Variants in DNM3 observed in about 807,000 individuals in gnomAD.
DNM3 encodes the protein dynamin 3, also known as dynamin-3.
DNM3 carries 47 observed loss-of-function variants against 101.6 expected under a neutral mutation model. The ratio of observed to expected loss-of-function variants is 0.46; its 90% CI spans 0.37 to 0.59. The LOEUF is 0.59. Among genes scored for constraint, DNM3 ranks in the 20% least tolerant of loss-of-function variants. The probability of loss-of-function intolerance (pLI) is 0.00; values close to 1 mark genes in which losing one functional copy is unlikely to be tolerated. For missense variants in DNM3, 849 were observed against 1,085.7 expected (o/e 0.78, Z 3.06); for synonymous variants, 385 against 387.9 (o/e 0.99, Z 0.09).
chr1:172,041,379 T>C (rs1168315442), intron 7 of DNM3, among the ~76,000 whole-genome samples: 1 of 152,088 alleles, frequency 6.6e-6, no homozygotes, highest in Non-Finnish European at 1.5e-5. Flanking sequence ...TGCAGGAGGA[T>C]CAGCAGGTTT....
At chr1:171,957,478 G>T (rs578185666) in intron 2 of DNM3, among the ~76,000 whole-genome samples, 1 of 152,150 alleles carries the variant, frequency 6.6e-6, no homozygotes, top group African/African-American at 2.4e-5. Flanking sequence ...GATTACAGGC[G>T]TGAGCCACTA....
intron 7 of DNM3, among the ~76,000 whole-genome samples, chr1:172,040,193 A>G (rs1456232004): frequency 1.3e-5 from 2 of 152,140 alleles, no homozygotes; most frequent in African/African-American, 4.8e-5. Context: ...CACTTTCTGA[A>G]AAATTTTTCA....
Position 172,349,368 on chromosome 1 carries a change from C to T in DNM3, c.1893+26028C>T, listed in dbSNP as rs551583394. Among the ~76,000 whole-genome samples the T allele has an allele frequency of 7.2e-5, 11 of 152,238 alleles. 1 individual carries two copies. The highest frequency in any genetic ancestry group is 6.8e-3 in the Middle Eastern group (2 of 294). ...AAATCCATAAAGCTATTAGTTCAGTCGCTGGCACTTGAAAGTTTTCAGTAA... is the reference window on the plus strand; with the variant it reads ...AAATCCATAAAGCTATTAGTTCAGTTGCTGGCACTTGAAAGTTTTCAGTAA... On this transcript the variant is annotated intron_variant, in intron 17 of 20. Transcript: ENST00000627582.
At chr1:172,025,300 A>G (rs1470330257) in intron 4 of DNM3, among the ~76,000 whole-genome samples, 1 of 152,220 alleles carries the variant, frequency 6.6e-6, no homozygotes, top group African/African-American at 2.4e-5. Context: ...CAGCAGCCCC[A>G]GTCAGGGCCT....
intron 9 of DNM3, among the ~76,000 whole-genome samples, chr1:172,045,643 G>A (rs567679160): frequency 1.3e-5 from 2 of 152,266 alleles, no homozygotes; most frequent in African/African-American, 4.8e-5. Context: ...TGATTTTAAA[G>A]CACATATTTA....
chr1:171,963,157 T>C (rs79037183), intron 2 of DNM3, among the ~76,000 whole-genome samples: 1 of 152,196 alleles, frequency 6.6e-6, no homozygotes, highest in Non-Finnish European at 1.5e-5. Flanking sequence ...GTATTTACTT[T>C]ATAGTAAATA....
intron 1 of DNM3, among the ~76,000 whole-genome samples, chr1:171,878,652 C>A (rs1333418060): frequency 6.6e-6 from 1 of 151,984 alleles, no homozygotes; most frequent in Admixed American, 6.6e-5. Flanking sequence ...AGTGGAGAGC[C>A]AGGTGGCCAT....
At chr1:171,956,919 C>G (rs1185098608) in intron 2 of DNM3, among the ~76,000 whole-genome samples, 1 of 152,148 alleles carries the variant, frequency 6.6e-6, no homozygotes, top group African/African-American at 2.4e-5. Flanking sequence ...CATACCTTGC[C>G]CCCTTTTAAC....
Position 172,071,538 on chromosome 1 carries a change from C to T in DNM3, c.1422+2633C>T, listed in dbSNP as rs78491811. Among the ~76,000 whole-genome samples, 1,516 of 152,172 alleles carry T rather than the reference C, an allele frequency of 1.0e-2. 23 individuals are homozygous for T. The highest frequency in any genetic ancestry group is 0.033 in the African/African-American group (1,364 of 41,526). On this transcript the variant is annotated intron_variant, in intron 11 of 20. Coordinates refer to ENST00000627582, the MANE Select transcript of DNM3 (RefSeq NM_015569.5). Reference sequence around the variant, plus strand: ...AGAGTGACCCATATCCTCAGGCCTCCGCGCCTGAACAGCTCTGGGACATTC... The same window carrying T: ...AGAGTGACCCATATCCTCAGGCCTCTGCGCCTGAACAGCTCTGGGACATTC...
In DNM3 at chr1:172,408,216, A is replaced by G; in HGVS notation, c.*375A>G. On this transcript the variant is annotated 3_prime_UTR_variant, in exon 21 of 21. Transcript: ENST00000627582. ...TTCAGATATGAGATAGTGGGCTTAG[A>G]CCTAAGCCATACATATTTCTTTTCC... The G allele has an allele frequency of 9.7e-7, 1 of 1,026,674 alleles. No homozygotes were observed. The highest frequency in any genetic ancestry group is 1.2e-6 in the Non-Finnish European group (1 of 854,826). The allele number at this position is 1,026,674 out of a possible 1,614,324, so 63.6% of individuals were successfully genotyped here.
intron 4 of DNM3, among the ~76,000 whole-genome samples, chr1:172,008,575 G>A (rs2046854195): frequency 7.6e-6 from 1 of 130,894 alleles, no homozygotes; most frequent in Non-Finnish European, 1.6e-5. Flanking sequence ...CTTAAATTTA[G>A]GTCTGCAATT....
intron 1 of DNM3, among the ~76,000 whole-genome samples, chr1:171,850,461 A>G (rs1452829008): frequency 6.6e-6 from 1 of 152,156 alleles, no homozygotes; most frequent in Non-Finnish European, 1.5e-5. Flanking sequence ...TTTTCTGGTT[A>G]ATAAAACTAA....
chr1:171,965,816 G>C (rs1442556126), intron 2 of DNM3, among the ~76,000 whole-genome samples: 1 of 152,082 alleles, frequency 6.6e-6, no homozygotes, highest in Non-Finnish European at 1.5e-5. Context: ...TCTATATTCA[G>C]CTCCTCTCCC....
chr1:172,376,547 TACTC>T (rs1159904586), intron 17 of DNM3: 3 of 152,082 alleles, frequency 2.0e-5, no homozygotes, highest in Non-Finnish European at 2.9e-5. Context: ...TCTCTGCAAT[TACTC>T]ACGTAAAAGA....
chr1:172,021,312 T>C (rs146880850), intron 4 of DNM3, among the ~76,000 whole-genome samples: 15 of 151,998 alleles, frequency 9.9e-5, no homozygotes, highest in African/African-American at 3.6e-4. Flanking sequence ...CTCTACAATT[T>C]TTTTTTTTTA....
At position 172,386,024 on chromosome 1, in the gene DNM3, G is replaced by C. The variant is rs2069158938; in HGVS notation, c.2059-1109G>C. Among the ~76,000 whole-genome samples the C allele has an allele frequency of 2.6e-5, 4 of 152,322 alleles. No individual in the cohort carries two copies. The South Asian group carries it at 8.3e-4, about 32-fold the overall frequency. On this transcript the variant is annotated intron_variant, in intron 18 of 20. Transcript: ENST00000627582. ...ATTCAACTGAATGCTGTGTGACCTA[G>C]CACAAGATACTTAAATTCTTGGAAC...
intron 15 of DNM3, among the ~76,000 whole-genome samples, chr1:172,270,047 A>C (rs1202205400): frequency 6.6e-5 from 10 of 152,196 alleles, no homozygotes; most frequent in Non-Finnish European, 2.9e-5. Flanking sequence ...AACATGTAGA[A>C]TATAGTAAGA....
intron 17 of DNM3, among the ~76,000 whole-genome samples, chr1:172,355,685 C>T (rs2067417642): frequency 6.6e-6 from 1 of 152,122 alleles, no homozygotes; most frequent in African/African-American, 2.4e-5. Flanking sequence ...TATAAACCAG[C>T]TCCTATACAC....
At chr1:171,935,058 A>C (rs570338059) in intron 2 of DNM3, among the ~76,000 whole-genome samples, 1 of 152,290 alleles carries the variant, frequency 6.6e-6, no homozygotes, top group East Asian at 1.9e-4. Flanking sequence ...TACTGCTAAT[A>C]TTGCATTTTT....
Sources: gnomAD v4.1 joint callset for allele counts (sites outside exome capture counted in the v4.1 genomes callset) on GRCh38, gnomAD v4.1.1 for gene constraint, MANE v1.5 for transcripts, NCBI Gene and HGNC (gene_info 2026-07-23, HGNC 2026-07-21) for gene names.